Variants in STARD13 observed in about 807,000 individuals in gnomAD.
STARD13 encodes StAR related lipid transfer domain containing 13.
Under a neutral mutation model 106.4 loss-of-function variants are expected in STARD13, and 62 were observed. That is an observed-to-expected ratio of 0.58 (90% CI 0.48 to 0.72). The LOEUF (loss-of-function observed/expected upper bound fraction) is 0.72. STARD13 is among the 30% of genes least tolerant of loss of function. STARD13 has a pLI of 0.00. For synonymous variants in STARD13, 565 were observed against 553.0 expected (o/e 1.02, Z -0.31); for missense variants, 1,387 against 1,424.0 (o/e 0.97, Z 0.42).
chr13:33,371,173 A>G, the STARD13 span, among the ~76,000 whole-genome samples: 1 of 152,102 alleles, frequency 6.6e-6, no homozygotes, highest in African/African-American at 2.4e-5. Context: ...AGTCTTGTCT[A>G]CTCTCACCCT....
chr13:33,137,112 C>G lies in STARD13; in HGVS notation c.387+5198G>C, dbSNP rs573722876. 2.2e-4 allele frequency among the ~76,000 whole-genome samples: 33 copies of G among 152,290 alleles called. No individual in the cohort carries two copies. In the South Asian group the frequency reaches 3.3e-3, roughly 15 times the overall value. The stretch of plus-strand genomic sequence containing the variant: ...TTGAGCCTAACAATAAAACATTAAG[C>G]CTTGTATTTTCTATAATTTGTTAAA... On this transcript the variant is annotated intron_variant, in intron 4 of 13. Coordinates refer to ENST00000336934, the MANE Select transcript of STARD13 (RefSeq NM_178006.4).
chr13:33,551,975 C>T, the STARD13 span, among the ~76,000 whole-genome samples: 1 of 151,986 alleles, frequency 6.6e-6, no homozygotes, highest in African/African-American at 2.4e-5. Flanking sequence ...AAACAGTAAC[C>T]ATTAAAGACC....
chr13:33,285,632 T>A lies in STARD13; in HGVS notation c.7A>T (p.Ser3Cys), dbSNP rs778276296. The A allele has an allele frequency of 6.2e-7, 1 of 1,612,860 alleles. No individual in the cohort carries two copies. Among genetic ancestry groups the A allele is most frequent in the Admixed American group, 1.7e-5 (1 of 59,994 alleles). MF[S>C]QVPRTPASGC... ...GAGGCTGGGGTCCTGGGCACCTGACTGAACATCTCGGCAGATTTCCTATTG... is the reference window on the plus strand; with the variant it reads ...GAGGCTGGGGTCCTGGGCACCTGACAGAACATCTCGGCAGATTTCCTATTG... The change falls in exon 1 of 14, where the codon AGT becomes TGT. Residue 3 changes from serine to cysteine, a missense_variant. By Grantham distance (112) the Ser-to-Cys change is moderately radical. Coordinates refer to ENST00000336934, the MANE Select transcript of STARD13 (RefSeq NM_178006.4).
At chr13:33,634,705 C>T in the STARD13 span, among the ~76,000 whole-genome samples, 2 of 149,894 alleles carry the variant, frequency 1.3e-5, no homozygotes, top group Non-Finnish European at 2.9e-5. Context: ...CCTGCCCCGC[C>T]GCCACACACA....
At chr13:33,586,308 C>T in the STARD13 span, among the ~76,000 whole-genome samples, 10 of 152,114 alleles carry the variant, frequency 6.6e-5, no homozygotes, top group African/African-American at 2.4e-4. Flanking sequence ...CAGGATATTT[C>T]CATTATCCCA....
At chr13:33,209,585 G>C (rs9596956) in intron 1 of STARD13, among the ~76,000 whole-genome samples, 51,776 of 151,840 alleles carry the variant, frequency 0.34, 9,125 homozygotes, top group Middle Eastern at 0.44. Context: ...TCTGCTGGTC[G>C]TCAGTCCTGC....
intron 1 of STARD13, among the ~76,000 whole-genome samples, chr13:33,349,555 C>A (rs1271298193): frequency 1.3e-5 from 2 of 152,184 alleles, no homozygotes; most frequent in African/African-American, 2.4e-5. Flanking sequence ...GGGAGAGGTA[C>A]TAAGGAGGGG....
At chr13:33,628,189 A>ACC in the STARD13 span, among the ~76,000 whole-genome samples, 1 of 130,066 alleles carries the variant, frequency 7.7e-6, no homozygotes, top group African/African-American at 3.9e-5. Flanking sequence ...ACACACACAC[A>ACC]CACCACATGC....
chr13:33,643,202 C>CAG, the STARD13 span, among the ~76,000 whole-genome samples: 1 of 149,656 alleles, frequency 6.7e-6, no homozygotes, highest in Non-Finnish European at 1.5e-5. Context: ...CACACACACA[C>CAG]AGATAGAGGA....
chr13:33,139,169 A>G (rs1215461565), intron 4 of STARD13, among the ~76,000 whole-genome samples: 1 of 152,194 alleles, frequency 6.6e-6, no homozygotes, highest in Non-Finnish European at 1.5e-5. Context: ...ATTGCTGAGG[A>G]AACATGAGAC....
chr13:33,314,533 C>T (rs780282296), intron 1 of STARD13, among the ~76,000 whole-genome samples: 36 of 152,078 alleles, frequency 2.4e-4, no homozygotes, highest in Non-Finnish European at 4.0e-4. Flanking sequence ...ATTGCAACTG[C>T]GATTAAATAC....
chr13:33,212,795 G>A (rs562066497), intron 1 of STARD13, among the ~76,000 whole-genome samples: 1 of 152,302 alleles, frequency 6.6e-6, no homozygotes, highest in East Asian at 1.9e-4. Flanking sequence ...AAACAGGTAT[G>A]ACAATCTGTC....
At chr13:33,672,520 TTAAAA>T in the STARD13 span, among the ~76,000 whole-genome samples, 1 of 152,200 alleles carries the variant, frequency 6.6e-6, no homozygotes, top group Non-Finnish European at 1.5e-5. Flanking sequence ...ATCCCAGAAC[TTAAAA>T]TAAAATAAAT....
chr13:33,539,934 G>A, the STARD13 span, among the ~76,000 whole-genome samples: 1 of 152,180 alleles, frequency 6.6e-6, no homozygotes, highest in Admixed American at 6.5e-5. Flanking sequence ...TGACAAAAAA[G>A]TCATACGCAT....
At chr13:33,603,443 C>T in the STARD13 span, among the ~76,000 whole-genome samples, 24 of 152,206 alleles carry the variant, frequency 1.6e-4, no homozygotes, top group South Asian at 2.9e-3. Context: ...ACATACATAA[C>T]GCTGGGACTT....
chr13:33,352,156 C>G (rs934241851), upstream of STARD13, among the ~76,000 whole-genome samples: 4 of 152,182 alleles, frequency 2.6e-5, no homozygotes, highest in Admixed American at 6.5e-5. Flanking sequence ...GAAACTGTGA[C>G]AGCCGGTTAT....
At chr13:33,315,625 C>G (rs1240658694) in intron 1 of STARD13, among the ~76,000 whole-genome samples, 2 of 152,096 alleles carry the variant, frequency 1.3e-5, no homozygotes, top group Non-Finnish European at 2.9e-5. Flanking sequence ...TACCTTAAGA[C>G]AGAAGATCCC....
intron 7 of STARD13, among the ~76,000 whole-genome samples, chr13:33,122,162 A>G (rs139182203): frequency 0.096 from 14,560 of 152,204 alleles, 850 homozygotes; most frequent in East Asian, 0.25. Context: ...TTGTATTTTT[A>G]GCAGAGATGG....
chr13:33,429,691 T>A, the STARD13 span, among the ~76,000 whole-genome samples: 1 of 152,166 alleles, frequency 6.6e-6, no homozygotes, highest in South Asian at 2.1e-4. Context: ...ATGTTCTCAC[T>A]TATTTGTGGG....
Sources: allele counts gnomAD v4.1 joint callset (sites outside exome capture counted in the v4.1 genomes callset), GRCh38; gene constraint gnomAD v4.1.1; transcripts MANE v1.5; gene names NCBI Gene and HGNC (gene_info 2026-07-23, HGNC 2026-07-21).